Variants in STX17 observed in about 807,000 individuals in gnomAD.
The protein encoded by STX17 is syntaxin-17.
STX17 carries 29 observed loss-of-function variants against 35.9 expected under a neutral mutation model. The observed-to-expected ratio is 0.81, with a 90% CI of 0.60 to 1.10. The LOEUF is 1.10. Among genes scored for constraint, STX17 ranks in the 50% least tolerant of loss-of-function variants. STX17 has a pLI of 0.00. For synonymous variants in STX17, 92 were observed against 118.3 expected, an observed-to-expected ratio of 0.78 and a Z score of 1.44; for missense variants, 312 against 352.3, an observed-to-expected ratio of 0.89 and a Z score of 0.92.
chr9:99,967,502 C>G, intron 6 of STX17, 151 bp from the exon 7 acceptor site: 1 of 332,326 alleles, frequency 3.0e-6, no homozygotes, highest in East Asian at 5.9e-5. Flanking sequence ...TTTGTCCTTT[C>G]GACATGGCTT....
intron 2 of STX17, among the ~76,000 whole-genome samples, chr9:99,917,703 G>T (rs1587911956): frequency 6.6e-6 from 1 of 152,298 alleles, no homozygotes; most frequent in Admixed American, 6.5e-5. Context: ...GCTAATGTAA[G>T]ATAGACTTAA....
chr9:99,917,799 T>C (rs1323727238), intron 2 of STX17, among the ~76,000 whole-genome samples: 1 of 152,238 alleles, frequency 6.6e-6, no homozygotes, highest in Non-Finnish European at 1.5e-5. Flanking sequence ...AAAAACTTAC[T>C]GTGTAGCACA....
chr9:99,933,896 T>C (rs1313445760), intron 3 of STX17, among the ~76,000 whole-genome samples: 3 of 152,194 alleles, frequency 2.0e-5, no homozygotes, highest in African/African-American at 7.2e-5. Flanking sequence ...ATACTTAATA[T>C]TTAGTAACAA....
At chr9:99,922,135 G>A (rs1294323833) in intron 2 of STX17, among the ~76,000 whole-genome samples, 1 of 152,038 alleles carries the variant, frequency 6.6e-6, no homozygotes, top group Non-Finnish European at 1.5e-5. Flanking sequence ...ACACAGTACT[G>A]GGCCACAGAC....
intron 1 of STX17, chr9:99,906,983 G>T (rs1828562854): frequency 6.6e-6 from 1 of 152,268 alleles, no homozygotes; most frequent in Non-Finnish European, 1.5e-5. Context: ...TTTCCGGCGC[G>T]CGTCCTGTCT....
Position 99,972,738 on chromosome 9 carries a change from C to A in STX17, c.*4065C>A, listed in dbSNP as rs377169822. Among the ~76,000 whole-genome samples, 107 of 152,306 alleles carry A rather than the reference C, an allele frequency of 7.0e-4. No individual in the cohort carries two copies. The South Asian group carries it at 0.016, about 22-fold the overall frequency. On this transcript the variant is annotated 3_prime_UTR_variant, in exon 8 of 8. Coordinates refer to ENST00000259400, the MANE Select transcript of STX17 (RefSeq NM_017919.3). ...CTTCCATCAGAGTGCAGAAACCAAA[C>A]CATGCTTTGTGTTAACCTTAAATAT...
chr9:99,946,190 T>C lies in STX17; in HGVS notation c.190-4870T>C, dbSNP rs186297176. Among the ~76,000 whole-genome samples, 37 of 152,290 alleles carry C rather than the reference T, an allele frequency of 2.4e-4. No individual in the cohort carries two copies. The East Asian group carries it at 6.9e-3, about 29-fold the overall frequency. On this transcript the variant is annotated intron_variant, in intron 3 of 7. Coordinates refer to ENST00000259400, the MANE Select transcript of STX17 (RefSeq NM_017919.3). ...AAGTACAGTATAACAATTTATATAG[T>C]ATTTATATTATATTAGGTATTATAA...
chr9:99,919,537 A>G (rs1828851360), intron 2 of STX17, among the ~76,000 whole-genome samples: 1 of 152,180 alleles, frequency 6.6e-6, no homozygotes, highest in Non-Finnish European at 1.5e-5. Flanking sequence ...AAGTGTTGCA[A>G]AATGTTAAAT....
chr9:99,928,673 G>A (rs530847234), intron 2 of STX17, 105 bp from the exon 3 acceptor site: 2 of 845,906 alleles, frequency 2.4e-6, no homozygotes, highest in South Asian at 1.6e-5. Context: ...CTCTTCTCTA[G>A]ATAGTATGTT....
At chr9:99,919,852 T>A (rs1269705144) in intron 2 of STX17, among the ~76,000 whole-genome samples, 1 of 152,176 alleles carries the variant, frequency 6.6e-6, no homozygotes, top group Non-Finnish European at 1.5e-5. Context: ...CAAAAAATGA[T>A]AAGAGGCAGC....
At chr9:99,912,393 C>G (rs1197870148) in intron 1 of STX17, among the ~76,000 whole-genome samples, 2 of 151,536 alleles carry the variant, frequency 1.3e-5, no homozygotes, top group Non-Finnish European at 2.9e-5. Context: ...AAAAAAATAC[C>G]TTTTGGTCAT....
At chr9:99,913,620 C>A (rs1238567188) in intron 1 of STX17, among the ~76,000 whole-genome samples, 1 of 152,008 alleles carries the variant, frequency 6.6e-6, no homozygotes, top group African/African-American at 2.4e-5. Flanking sequence ...ATTTTATTAT[C>A]TTTCGTCCAT....
chr9:99,941,379 C>T (rs541809460), intron 3 of STX17, among the ~76,000 whole-genome samples: 1 of 152,152 alleles, frequency 6.6e-6, no homozygotes, highest in African/African-American at 2.4e-5. Context: ...TTACCCCTAC[C>T]CAAATGCTTC....
At chr9:99,910,950 G>C (rs1032500937) in intron 1 of STX17, among the ~76,000 whole-genome samples, 1 of 151,944 alleles carries the variant, frequency 6.6e-6, no homozygotes, top group Non-Finnish European at 1.5e-5. Flanking sequence ...GGGCTCAAGT[G>C]ATCCTCCTAC....
chr9:99,912,340 T>C (rs1230904185), intron 1 of STX17, among the ~76,000 whole-genome samples: 2 of 152,156 alleles, frequency 1.3e-5, no homozygotes, highest in Non-Finnish European at 1.5e-5. Flanking sequence ...CTCATTGTGG[T>C]TTTTATTTGC....
chr9:99,933,540 A>T (rs1023538187), intron 3 of STX17, among the ~76,000 whole-genome samples: 1 of 152,140 alleles, frequency 6.6e-6, no homozygotes, highest in Admixed American at 6.5e-5. Context: ...GCCTGTGAAT[A>T]TGGGATATTC....
intron 6 of STX17, among the ~76,000 whole-genome samples, chr9:99,963,474 C>T (rs1829863813): frequency 6.6e-6 from 1 of 152,058 alleles, no homozygotes; most frequent in South Asian, 2.1e-4. Context: ...AGATCAGATT[C>T]CTTCATTTAT....
intron 6 of STX17, among the ~76,000 whole-genome samples, chr9:99,967,019 G>T (rs1829926167): frequency 6.6e-6 from 1 of 152,114 alleles, no homozygotes; most frequent in Admixed American, 6.6e-5. Context: ...TAATATATTT[G>T]ATCTGAAACA....
intron 1 of STX17, among the ~76,000 whole-genome samples, chr9:99,908,490 G>C (rs1828597166): frequency 6.6e-6 from 1 of 152,166 alleles, no homozygotes; most frequent in South Asian, 2.1e-4. Flanking sequence ...TGTGGACTTA[G>C]ATGTTTTTCT....
Sources: allele counts gnomAD v4.1 joint callset (sites outside exome capture counted in the v4.1 genomes callset), GRCh38; gene constraint gnomAD v4.1.1; transcripts MANE v1.5; gene names NCBI Gene and HGNC (gene_info 2026-07-23, HGNC 2026-07-21).